PDE11A: variants seen among roughly 807,000 people sequenced by gnomAD.
PDE11A encodes the protein phosphodiesterase 11A.
Under a neutral mutation model 100.5 loss-of-function variants are expected in PDE11A, and 100 were observed. The observed-to-expected ratio is 1.00, with a 90% CI of 0.85 to 1.18. The LOEUF (loss-of-function observed/expected upper bound fraction) is 1.18. PDE11A is among the 50% of genes most tolerant of loss of function. The pLI is 0.00. For synonymous variants in PDE11A, 381 were observed against 420.8 expected (o/e 0.91, Z 1.16); for missense variants, 1,141 against 1,152.6 (o/e 0.99, Z 0.15).
chr2:177,993,936 A>ATT (rs10622468), intron 2 of PDE11A, among the ~76,000 whole-genome samples: 83,092 of 140,846 alleles, frequency 0.59, 25,660 homozygotes, highest in Admixed American at 0.7. Flanking sequence ...GCAAATGTAA[A>ATT]TTTTTTTTTT....
intron 6 of PDE11A, among the ~76,000 whole-genome samples, chr2:177,820,910 T>G (rs1388154728): frequency 6.6e-6 from 1 of 151,894 alleles, no homozygotes; most frequent in Non-Finnish European, 1.5e-5. Context: ...CATCAAACAT[T>G]GAGTAACAAA....
At chr2:178,107,310 A>G (rs1167213192) in intron 1 of PDE11A, among the ~76,000 whole-genome samples, 1 of 151,814 alleles carries the variant, frequency 6.6e-6, no homozygotes, top group African/African-American at 2.4e-5. Flanking sequence ...GAAGGACAGG[A>G]AGAATATGAA....
chr2:177,972,119 C>G lies in PDE11A; in HGVS notation c.1071+42183G>C, dbSNP rs192641198. ...AATAGGTGAGCAGAGCTACAAAGAG[C>G]AATTTAGAAATCTCAAGGTAAAAGT... On this transcript the variant is annotated intron_variant, in intron 2 of 19. Coordinates refer to ENST00000286063, the MANE Select transcript of PDE11A (RefSeq NM_016953.4). Among the ~76,000 whole-genome samples the G allele has an allele frequency of 2.8e-3, 421 of 152,202 alleles. 5 individuals are homozygous for G. The highest frequency in any genetic ancestry group is 1.1e-3 in the Non-Finnish European group (78 of 68,010).
At chr2:177,948,272 G>A (rs916542772) in intron 2 of PDE11A, among the ~76,000 whole-genome samples, 1 of 152,024 alleles carries the variant, frequency 6.6e-6, no homozygotes, top group African/African-American at 2.4e-5. Flanking sequence ...CTTAGTATCT[G>A]TTTGCATCCA....
At chr2:178,047,887 G>T (rs1233471242) in intron 1 of PDE11A, among the ~76,000 whole-genome samples, 1 of 152,122 alleles carries the variant, frequency 6.6e-6, no homozygotes, top group Non-Finnish European at 1.5e-5. Flanking sequence ...TCCCATAGAT[G>T]ATGAGTGCAG....
At chr2:177,924,835 C>T (rs1366871768) in intron 2 of PDE11A, among the ~76,000 whole-genome samples, 1 of 148,276 alleles carries the variant, frequency 6.7e-6, no homozygotes. Context: ...CCCACTAACT[C>T]GTCATCTAGC....
intron 5 of PDE11A, among the ~76,000 whole-genome samples, chr2:177,853,680 ATGTGTGTG>A (rs1212022176): frequency 3.3e-4 from 12 of 36,528 alleles, no homozygotes; most frequent in South Asian, 2.4e-3. Flanking sequence ...ATATATATAT[ATGTGTGTG>A]TGTGTGTGTG....
rs116093532 is a variant in PDE11A, at chr2:177,666,063, A to G, written c.2563-2114T>C. On this transcript the variant is annotated intron_variant, in intron 18 of 19. Transcript: ENST00000286063. ...ATCCTCAAAGAAACCCCATACTATT[A>G]GCAGTCATTCTCGCTTTTTTTCCGC... Among the ~76,000 whole-genome samples the G allele has an allele frequency of 4.2e-3, 643 of 152,306 alleles. 5 individuals are homozygous for G. Among genetic ancestry groups the G allele is most frequent in the African/African-American group, 0.015 (610 of 41,566 alleles).
At chr2:177,787,311 T>A (rs1160539741) in intron 9 of PDE11A, among the ~76,000 whole-genome samples, 1 of 150,180 alleles carries the variant, frequency 6.7e-6, no homozygotes, top group African/African-American at 2.5e-5. Context: ...GAAGGAGAAA[T>A]AAAACACTTT....
intron 1 of PDE11A, among the ~76,000 whole-genome samples, chr2:178,069,059 T>C (rs1287317442): frequency 6.6e-6 from 1 of 152,116 alleles, no homozygotes; most frequent in Non-Finnish European, 1.5e-5. Flanking sequence ...AGAAAAACAA[T>C]ATAAAATAAG....
intron 1 of PDE11A, among the ~76,000 whole-genome samples, chr2:178,040,202 T>C (rs2086666753): frequency 6.6e-6 from 1 of 151,810 alleles, no homozygotes; most frequent in South Asian, 2.1e-4. Flanking sequence ...GTAGCTGGGG[T>C]TACAGGAGTG....
intron 15 of PDE11A, chr2:177,686,696 A>C (rs2080956416): frequency 7.0e-6 from 1 of 143,364 alleles, no homozygotes; most frequent in African/African-American, 2.9e-5. Context: ...AGTACATGTA[A>C]ATTTTTTTTT....
intron 15 of PDE11A, among the ~76,000 whole-genome samples, chr2:177,690,724 A>G (rs1574048210): frequency 7.5e-6 from 1 of 133,280 alleles, no homozygotes; most frequent in South Asian, 2.4e-4. Flanking sequence ...AGAGGTGGCA[A>G]ATTTTCAATT....
chr2:177,766,093 G>A (rs954132994), intron 10 of PDE11A, among the ~76,000 whole-genome samples: 3 of 152,114 alleles, frequency 2.0e-5, no homozygotes, highest in Admixed American at 1.3e-4. Flanking sequence ...TGGTCTCCAT[G>A]CTTTTTGGCG....
intron 4 of PDE11A, among the ~76,000 whole-genome samples, chr2:177,882,639 G>A (rs1338451330): frequency 1.3e-5 from 2 of 152,126 alleles, no homozygotes; most frequent in Non-Finnish European, 2.9e-5. Context: ...AAAACAACTG[G>A]TTTCAAGCTT....
intron 2 of PDE11A, among the ~76,000 whole-genome samples, chr2:177,942,559 C>A (rs1160300466): frequency 2.0e-5 from 3 of 152,086 alleles, no homozygotes; most frequent in African/African-American, 4.8e-5. Flanking sequence ...TGTGCCACCA[C>A]GCCCAGCTAA....
At position 177,904,655 on chromosome 2, in the gene PDE11A, A is replaced by G. The variant is rs1440077772; in HGVS notation, c.1161+443T>C. Among the ~76,000 whole-genome samples, 3 of 139,676 alleles carry G rather than the reference A, an allele frequency of 2.1e-5. No homozygotes were observed. The South Asian group carries it at 7.2e-4, about 34-fold the overall frequency. 91.6% of individuals were successfully genotyped at this position (139,676 alleles called of 152,430 possible). A position where few individuals can be genotyped will look rare whatever the true frequency, so the allele number is the denominator to read the frequency against. ...CTGTGACCTCCGCCTCCTGGGTTCAAGCAATTCTCCTGCCTCAGCCTCCCG... is the reference window on the plus strand; with the variant it reads ...CTGTGACCTCCGCCTCCTGGGTTCAGGCAATTCTCCTGCCTCAGCCTCCCG... On this transcript the variant is annotated intron_variant, in intron 3 of 19. Transcript: ENST00000286063.
chr2:177,783,937 A>G (rs2082492600), intron 9 of PDE11A, among the ~76,000 whole-genome samples: 1 of 152,176 alleles, frequency 6.6e-6, no homozygotes, highest in South Asian at 2.1e-4. Context: ...AAAGTTCCAG[A>G]CAAACATGAT....
At chr2:178,094,493 C>T (rs1324701269) in intron 2 of PDE11A, among the ~76,000 whole-genome samples, 1 of 152,178 alleles carries the variant, frequency 6.6e-6, no homozygotes, top group African/African-American at 2.4e-5. Context: ...GATCGCACCA[C>T]TGCACTCCAG....
Sources: gnomAD v4.1 joint callset for allele counts (sites outside exome capture counted in the v4.1 genomes callset) on GRCh38, gnomAD v4.1.1 for gene constraint, MANE v1.5 for transcripts, NCBI Gene and HGNC (gene_info 2026-07-23, HGNC 2026-07-21) for gene names.